Variants in GPR160 observed in about 807,000 individuals in gnomAD.
GPR160 encodes G protein-coupled receptor 160, also known as probable G protein-coupled receptor 160.
In GPR160, 2 loss-of-function variants were observed where a neutral mutation model predicts 2.6. The observed-to-expected ratio is 0.77, with a 90% CI of 0.32 to 2.44. The LOEUF is 2.44. GPR160 is among the 30% of genes most tolerant of loss of function. GPR160 has a pLI of 0.11. For synonymous variants in GPR160, 130 were observed against 132.2 expected (o/e 0.98, Z 0.12); for missense variants, 351 against 383.6 (o/e 0.91, Z 0.71).
chr3:170,063,574 A>AC (rs397724055), intron 2 of GPR160, among the ~76,000 whole-genome samples: 2 of 138,046 alleles, frequency 1.4e-5, no homozygotes, highest in African/African-American at 2.6e-5. Flanking sequence ...AAAAAAAAAA[A>AC]CCTCAGCACA....
chr3:170,071,993 G>A (rs1206768497), intron 2 of GPR160, among the ~76,000 whole-genome samples: 1 of 149,592 alleles, frequency 6.7e-6, no homozygotes, highest in African/African-American at 2.5e-5. Flanking sequence ...CCATTTTCCT[G>A]TGGATGGATA....
chr3:170,045,286 C>T (rs974954329), intron 2 of GPR160, among the ~76,000 whole-genome samples: 2 of 151,356 alleles, frequency 1.3e-5, no homozygotes, highest in Non-Finnish European at 2.9e-5. Context: ...GAGTTCAGGC[C>T]GAGCATGGTG....
At chr3:170,058,219 C>T (rs754279362) in intron 2 of GPR160, among the ~76,000 whole-genome samples, 5 of 152,284 alleles carry the variant, frequency 3.3e-5, no homozygotes, top group South Asian at 2.1e-4. Context: ...TTACTTCTCT[C>T]GTGTAGCAGG....
At chr3:170,058,951 C>G (rs1016892082) in intron 2 of GPR160, among the ~76,000 whole-genome samples, 1 of 151,928 alleles carries the variant, frequency 6.6e-6, no homozygotes. Context: ...TAAAGAGTCA[C>G]AAAAAGTATA....
rs2108201209 is a variant in GPR160 at position 170,084,260 on chromosome 3, A to G, written c.288A>G (p.Leu96=). ...GGTTCACTAAATACCACATCTGCCTATTTACTCAAATTATTTCCTTTACTT... is the reference window on the plus strand; with the variant it reads ...GGTTCACTAAATACCACATCTGCCTGTTTACTCAAATTATTTCCTTTACTT... ...SIRFTKYHIC[L]FTQIISFTYG... The change falls in exon 4 of 4, where the codon CTA becomes CTG. Residue 96 remains leucine, a synonymous_variant. Transcript: ENST00000355897. 1.2e-6 allele frequency: 2 copies of G among 1,608,300 alleles called. No homozygotes were observed. The highest frequency in any genetic ancestry group is 8.5e-7 in the Non-Finnish European group (1 of 1,175,422).
chr3:170,058,940 A>G (rs1172691425), intron 2 of GPR160, among the ~76,000 whole-genome samples: 1 of 152,212 alleles, frequency 6.6e-6, no homozygotes, highest in Non-Finnish European at 1.5e-5. Flanking sequence ...TTAAGGGGCA[A>G]TAAAGAGTCA....
chr3:170,074,771 C>T (rs552745994), intron 2 of GPR160, among the ~76,000 whole-genome samples: 1 of 152,150 alleles, frequency 6.6e-6, no homozygotes, highest in South Asian at 2.1e-4. Context: ...GCATGAGCCA[C>T]CATGCCTGGC....
chr3:170,069,878 G>A (rs1368133254), intron 2 of GPR160, among the ~76,000 whole-genome samples: 1 of 152,138 alleles, frequency 6.6e-6, no homozygotes, highest in African/African-American at 2.4e-5. Flanking sequence ...GGCTGAAAGG[G>A]TGAGATCGAG....
chr3:170,077,820 C>G (rs1049403990), intron 2 of GPR160: 6 of 155,172 alleles, frequency 3.9e-5, no homozygotes, highest in African/African-American at 1.4e-4. Flanking sequence ...TCTGAGTACT[C>G]CTTTCTTCAG....
Position 170,038,968 on chromosome 3 carries a change from G to A in GPR160, c.-268G>A, listed in dbSNP as rs1211479220. On this transcript the variant is annotated 5_prime_UTR_variant, in exon 2 of 4. Transcript: ENST00000355897. The surrounding 1 kb of genome is among the most constrained non-coding windows in gnomAD (Gnocchi z 5.3). ...CCCTGCAGTCCGGAGACGAACGCACGGACCGGGCCTCCGGAGGCAGGTTCG... is the reference window on the plus strand; with the variant it reads ...CCCTGCAGTCCGGAGACGAACGCACAGACCGGGCCTCCGGAGGCAGGTTCG... 1 of 151,912 alleles carries A rather than the reference G, an allele frequency of 6.6e-6. No individual in the cohort carries two copies. Among genetic ancestry groups the A allele is most frequent in the Non-Finnish European group, 1.5e-5 (1 of 67,976 alleles). The allele number at this position is 151,912 out of a possible 1,614,324, so 9.4% of individuals were successfully genotyped here. A position where few individuals can be genotyped will look rare whatever the true frequency, so the allele number is the denominator to read the frequency against.
intron 2 of GPR160, among the ~76,000 whole-genome samples, chr3:170,076,570 G>A (rs925927918): frequency 6.6e-6 from 1 of 151,382 alleles, no homozygotes; most frequent in Non-Finnish European, 1.5e-5. Flanking sequence ...AGATAACTGT[G>A]TCTCACTCTG....
chr3:170,044,597 G>C (rs1207948887), intron 2 of GPR160, among the ~76,000 whole-genome samples: 2 of 152,138 alleles, frequency 1.3e-5, no homozygotes, highest in Admixed American at 1.3e-4. Flanking sequence ...AGGCAGGTGG[G>C]TCTTGTGCAC....
chr3:170,083,099 T>G lies in GPR160; in HGVS notation c.-68-806T>G, dbSNP rs140738396. ...TTTTTAAGGATGTGTTTCTTGAATCTCCTACCTTTCCTTTCAGTCCTTTCC... is the reference window on the plus strand; with the variant it reads ...TTTTTAAGGATGTGTTTCTTGAATCGCCTACCTTTCCTTTCAGTCCTTTCC... On this transcript the variant is annotated intron_variant, in intron 3 of 3. Transcript: ENST00000355897. 1.2e-3 allele frequency among the ~76,000 whole-genome samples: 186 copies of G among 152,172 alleles called. 2 individuals are homozygous for G. The highest frequency in any genetic ancestry group is 4.3e-3 in the African/African-American group (178 of 41,538).
intron 2 of GPR160, chr3:170,062,544 A>C: frequency 1.4e-6 from 1 of 700,350 alleles, no homozygotes; most frequent in Non-Finnish European, 2.6e-6. Context: ...CAAGCACAGA[A>C]GATCAAAGAC....
intron 2 of GPR160, among the ~76,000 whole-genome samples, chr3:170,040,207 GA>G (rs1576883014): frequency 1.3e-5 from 2 of 152,310 alleles, no homozygotes; most frequent in East Asian, 3.9e-4. Flanking sequence ...AAAAATAGTT[GA>G]AGCTGGATGA....
At chr3:170,062,437 CAGG>C (rs545720053) in intron 2 of GPR160, 30 of 497,328 alleles carry the variant, frequency 6.0e-5, no homozygotes, top group Non-Finnish European at 9.0e-5. Flanking sequence ...TTCCAGCCTT[CAGG>C]AGGAGAACTC....
At chr3:170,064,355 G>A (rs571856599) in intron 2 of GPR160, among the ~76,000 whole-genome samples, 1 of 152,172 alleles carries the variant, frequency 6.6e-6, no homozygotes, top group South Asian at 2.1e-4. Flanking sequence ...CCCGAACTGC[G>A]GCTGCCAGCC....
intron 2 of GPR160, among the ~76,000 whole-genome samples, chr3:170,044,160 A>G (rs1716589890): frequency 6.6e-6 from 1 of 151,904 alleles, no homozygotes; most frequent in South Asian, 2.1e-4. Context: ...CCTCGTCTCT[A>G]CTAAAAATAC....
intron 2 of GPR160, among the ~76,000 whole-genome samples, chr3:170,065,849 G>GA (rs1392785775): frequency 6.6e-6 from 1 of 151,480 alleles, no homozygotes; most frequent in Non-Finnish European, 1.5e-5. Flanking sequence ...TTCATAGTAG[G>GA]AAAAAAAATG....
Sources: allele counts gnomAD v4.1 joint callset (sites outside exome capture counted in the v4.1 genomes callset), GRCh38; gene constraint gnomAD v4.1.1; non-coding constraint Gnocchi (gnomAD v3.1); transcripts MANE v1.5; gene names NCBI Gene and HGNC (gene_info 2026-07-23, HGNC 2026-07-21).